The following SUGCT variants were observed in gnomAD, a reference collection of about 807,000 sequenced individuals.
SUGCT encodes succinyl-CoA:glutarate CoA-transferase.
SUGCT carries 41 observed loss-of-function variants against 55.0 expected under a neutral mutation model. The observed-to-expected ratio is 0.74, with a 90% CI of 0.58 to 0.97. The LOEUF is 0.97. SUGCT is among the 50% of genes least tolerant of loss of function. The probability of loss-of-function intolerance (pLI) is 0.00; values close to 1 mark genes in which losing one functional copy is unlikely to be tolerated. For synonymous variants in SUGCT, 187 were observed against 200.4 expected, an observed-to-expected ratio of 0.93 and a Z score of 0.56; for missense variants, 568 against 547.8, an observed-to-expected ratio of 1.04 and a Z score of -0.37.
chr7:40,332,246 TC>T (rs755752340), intron 9 of SUGCT, among the ~76,000 whole-genome samples: 1 of 152,112 alleles, frequency 6.6e-6, no homozygotes, highest in Non-Finnish European at 1.5e-5. Flanking sequence ...TCTTTGCACT[TC>T]CATCATAAAC....
At chr7:40,555,228 A>G (rs1326322559) in intron 12 of SUGCT, among the ~76,000 whole-genome samples, 1 of 151,778 alleles carries the variant, frequency 6.6e-6, no homozygotes, top group Non-Finnish European at 1.5e-5. Flanking sequence ...ACTTCCAGGA[A>G]ATGGATGGGA....
At chr7:40,615,305 TTTTAACACAGA>T (rs1397675457) in intron 12 of SUGCT, among the ~76,000 whole-genome samples, 1 of 151,986 alleles carries the variant, frequency 6.6e-6, no homozygotes, top group African/African-American at 2.4e-5. Context: ...CAAGCAATTT[TTTTAACACAGA>T]TTTTAACAAA....
the SUGCT span, among the ~76,000 whole-genome samples, chr7:40,869,095 A>C: frequency 6.6e-6 from 1 of 152,300 alleles, no homozygotes; most frequent in East Asian, 1.9e-4. Flanking sequence ...GAATTCTAAG[A>C]TGGTCCCCAA....
intron 12 of SUGCT, among the ~76,000 whole-genome samples, chr7:40,607,951 C>A (rs555568567): frequency 2.0e-5 from 3 of 152,308 alleles, no homozygotes; most frequent in African/African-American, 7.2e-5. Context: ...AATTTATGGC[C>A]TCAATAATGT....
intron 12 of SUGCT, among the ~76,000 whole-genome samples, chr7:40,610,468 G>T (rs1269672786): frequency 6.6e-6 from 1 of 152,028 alleles, no homozygotes; most frequent in Admixed American, 6.6e-5. Flanking sequence ...CTTTTATTTT[G>T]TTGTCTATTA....
intron 6 of SUGCT, chr7:40,217,367 C>T (rs978781030): frequency 2.4e-6 from 1 of 423,456 alleles, no homozygotes; most frequent in African/African-American, 2.0e-5. Context: ...CGTGCCACTA[C>T]ACCAGGCTAA....
intron 12 of SUGCT, among the ~76,000 whole-genome samples, chr7:40,520,323 C>T (rs1414123243): frequency 6.6e-6 from 1 of 152,028 alleles, no homozygotes; most frequent in African/African-American, 2.4e-5. Context: ...GTCTATTAAA[C>T]TTTGGAGGGG....
intron 13 of SUGCT, among the ~76,000 whole-genome samples, chr7:40,823,192 A>G (rs1423494122): frequency 2.6e-5 from 4 of 152,164 alleles, no homozygotes; most frequent in Non-Finnish European, 4.4e-5. Flanking sequence ...CAACCCCCTT[A>G]AATAACTTTT....
chr7:40,946,654 G>A, the SUGCT span, among the ~76,000 whole-genome samples: 2 of 152,098 alleles, frequency 1.3e-5, no homozygotes, highest in African/African-American at 2.4e-5. Flanking sequence ...CTTGGTTTTG[G>A]TTTATCTAGG....
At chr7:40,548,186 C>CTTTTTTTTTTTTTTTT (rs1186226631) in intron 12 of SUGCT, among the ~76,000 whole-genome samples, 54 of 104,944 alleles carry the variant, frequency 5.1e-4, no homozygotes, top group Non-Finnish European at 6.5e-4. Flanking sequence ...TTCTTTCTTT[C>CTTTTTTTTTTTTTTTT]TTTTTTTTTT....
intron 13 of SUGCT, among the ~76,000 whole-genome samples, chr7:40,764,341 C>T (rs1384206467): frequency 6.6e-6 from 1 of 152,044 alleles, no homozygotes; most frequent in Non-Finnish European, 1.5e-5. Context: ...AGACAAACAG[C>T]CCATCAGTGT....
chr7:40,357,581 T>A (rs1275369651), intron 9 of SUGCT, among the ~76,000 whole-genome samples: 2 of 152,184 alleles, frequency 1.3e-5, no homozygotes, highest in Non-Finnish European at 2.9e-5. Context: ...CTTCTGCTGA[T>A]GTAGGGCAAA....
chr7:40,432,498 C>T (rs1310281006), intron 9 of SUGCT, among the ~76,000 whole-genome samples: 1 of 151,958 alleles, frequency 6.6e-6, no homozygotes, highest in African/African-American at 2.4e-5. Context: ...CCAGGATGAC[C>T]AACATGGTGA....
At chr7:40,593,601 G>A (rs1182171193) in intron 12 of SUGCT, among the ~76,000 whole-genome samples, 2 of 152,146 alleles carry the variant, frequency 1.3e-5, no homozygotes, top group Non-Finnish European at 2.9e-5. Flanking sequence ...AGCACTTTGG[G>A]AGGCCGAGGA....
At chr7:40,244,434 G>A (rs918077081) in intron 7 of SUGCT, among the ~76,000 whole-genome samples, 1 of 152,334 alleles carries the variant, frequency 6.6e-6, no homozygotes, top group East Asian at 1.9e-4. Context: ...GACATAAGGG[G>A]AAGGTTGCTT....
At chr7:40,503,898 G>C (rs1450570708) in intron 12 of SUGCT, among the ~76,000 whole-genome samples, 2 of 152,128 alleles carry the variant, frequency 1.3e-5, no homozygotes, top group African/African-American at 4.8e-5. Context: ...CAATGAATAT[G>C]ACCGAATGCT....
chr7:40,604,397 C>CT (rs1348780812), intron 12 of SUGCT, among the ~76,000 whole-genome samples: 1 of 152,100 alleles, frequency 6.6e-6, no homozygotes, highest in Non-Finnish European at 1.5e-5. Flanking sequence ...GGCCCTTCCT[C>CT]TTACATAGAT....
the SUGCT span, among the ~76,000 whole-genome samples, chr7:40,900,983 G>A: frequency 1.3e-5 from 2 of 152,346 alleles, no homozygotes; most frequent in African/African-American, 4.8e-5. Context: ...TTAAAAGAAA[G>A]AAATGTTTGG....
chr7:40,449,501 A>T (rs1174952302), intron 10 of SUGCT, 143 bp downstream of exon 10: 3 of 615,082 alleles, frequency 4.9e-6, no homozygotes, highest in Non-Finnish European at 8.8e-6. Flanking sequence ...GATAAGGCAG[A>T]GTCCAAATTA....
Sources: allele counts gnomAD v4.1 joint callset (sites outside exome capture counted in the v4.1 genomes callset), GRCh38; gene constraint gnomAD v4.1.1; transcripts MANE v1.5; gene names NCBI Gene and HGNC (gene_info 2026-07-23, HGNC 2026-07-21).